Variants in CDKAL1 observed in about 807,000 individuals in gnomAD.
CDKAL1 encodes threonylcarbamoyladenosine tRNA methylthiotransferase.
In CDKAL1, 32 loss-of-function variants were observed where a neutral mutation model predicts 68.2. The ratio of observed to expected loss-of-function variants is 0.47; its 90% CI spans 0.35 to 0.63. CDKAL1 has a LOEUF of 0.63. Ranked by LOEUF, CDKAL1 falls within the 30% of genes least tolerant of loss-of-function variation. The pLI, the probability that CDKAL1 is intolerant of heterozygous loss-of-function variation, is 0.00. For missense variants in CDKAL1, 606 were observed against 696.7 expected (o/e 0.87, Z 1.47); for synonymous variants, 234 against 244.3 (o/e 0.96, Z 0.39).
At chr6:20,982,715 C>CA (rs1234376532) in intron 10 of CDKAL1, among the ~76,000 whole-genome samples, 3 of 150,540 alleles carry the variant, frequency 2.0e-5, no homozygotes, top group Admixed American at 6.6e-5. Flanking sequence ...CAAAACCTTG[C>CA]AAAAAAGGGT....
Position 20,857,588 on chromosome 6 carries a change from A to G in CDKAL1, c.742+11410A>G, listed in dbSNP as rs147564600. Reference sequence around the variant, plus strand: ...TATCTGGCCACATTCCCAATTCAGTAGCCTTGCCATAGGCCCAGGAATTTG... The same window carrying G: ...TATCTGGCCACATTCCCAATTCAGTGGCCTTGCCATAGGCCCAGGAATTTG... On this transcript the variant is annotated intron_variant, in intron 9 of 15. Transcript: ENST00000274695. 2.0e-5 allele frequency among the ~76,000 whole-genome samples: 3 copies of G among 152,368 alleles called. No individual in the cohort carries two copies. The East Asian group carries it at 5.8e-4, about 29-fold the overall frequency.
intron 15 of CDKAL1, among the ~76,000 whole-genome samples, chr6:21,215,508 T>A (rs968213104): frequency 1.3e-5 from 2 of 152,182 alleles, no homozygotes; most frequent in Admixed American, 6.5e-5. Flanking sequence ...CCTCCTCCTT[T>A]TCTACGTCCC....
intron 15 of CDKAL1, among the ~76,000 whole-genome samples, chr6:21,229,739 G>A (rs1779884899): frequency 1.3e-5 from 2 of 152,046 alleles, no homozygotes; most frequent in Admixed American, 1.3e-4. Flanking sequence ...TGTTATTCAG[G>A]TTTCAACAGG....
At chr6:20,599,975 G>A (rs563788682) in intron 4 of CDKAL1, among the ~76,000 whole-genome samples, 3 of 152,258 alleles carry the variant, frequency 2.0e-5, no homozygotes. Flanking sequence ...TAGAAATGGT[G>A]GATGACATGT....
intron 11 of CDKAL1, among the ~76,000 whole-genome samples, chr6:21,033,258 A>T (rs1236879919): frequency 6.6e-6 from 1 of 152,188 alleles, no homozygotes; most frequent in East Asian, 1.9e-4. Flanking sequence ...GATGAGAACA[A>T]TGTAATAGTG....
At chr6:20,557,655 G>A (rs757470679) in intron 4 of CDKAL1, among the ~76,000 whole-genome samples, 4 of 152,090 alleles carry the variant, frequency 2.6e-5, no homozygotes, top group African/African-American at 4.8e-5. Context: ...GGCTGGGCAC[G>A]GTGGCTCATG....
At chr6:20,746,301 T>C (rs1381553213) in intron 6 of CDKAL1, among the ~76,000 whole-genome samples, 1 of 152,216 alleles carries the variant, frequency 6.6e-6, no homozygotes, top group Admixed American at 6.5e-5. Flanking sequence ...TAACTTCTGT[T>C]GAAAGGGCTA....
intron 13 of CDKAL1, among the ~76,000 whole-genome samples, chr6:21,117,519 T>G (rs531180659): frequency 1.8e-4 from 28 of 151,354 alleles, no homozygotes; most frequent in Non-Finnish European, 3.4e-4. Flanking sequence ...GGTGGGCGCC[T>G]GTAGCTACTT....
intron 12 of CDKAL1, among the ~76,000 whole-genome samples, chr6:21,075,355 G>A (rs1772015272): frequency 6.6e-6 from 1 of 151,892 alleles, no homozygotes; most frequent in African/African-American, 2.4e-5. Context: ...TTATGGCAGA[G>A]CTCTAATAAA....
chr6:20,932,459 A>G (rs992325454), intron 9 of CDKAL1, among the ~76,000 whole-genome samples: 1 of 152,052 alleles, frequency 6.6e-6, no homozygotes, highest in Non-Finnish European at 1.5e-5. Context: ...CATTTTTCCT[A>G]TCGATTTTAT....
At chr6:20,657,126 C>A (rs144964798) in intron 5 of CDKAL1, among the ~76,000 whole-genome samples, 1 of 152,258 alleles carries the variant, frequency 6.6e-6, no homozygotes, top group Non-Finnish European at 1.5e-5. Flanking sequence ...CAGTTGTCAC[C>A]ATTGCCTAAC....
chr6:20,695,095 A>G (rs893495408), intron 5 of CDKAL1, among the ~76,000 whole-genome samples: 2 of 152,138 alleles, frequency 1.3e-5, no homozygotes, highest in Admixed American at 6.5e-5. Flanking sequence ...TGACTGAGAC[A>G]GTCCCTATTT....
At chr6:21,065,291 G>A in intron 12 of CDKAL1, 63 bp downstream of exon 12, 1 of 1,245,100 alleles carries the variant, frequency 8.0e-7, no homozygotes, top group Non-Finnish European at 1.1e-6. Flanking sequence ...CAGCTGTGTT[G>A]CCTACCTTCA....
intron 7 of CDKAL1, among the ~76,000 whole-genome samples, chr6:20,776,710 A>G (rs955743109): frequency 6.6e-6 from 1 of 152,236 alleles, no homozygotes; most frequent in Non-Finnish European, 1.5e-5. Flanking sequence ...CTGCACAAGC[A>G]GTCAAAAGCA....
intron 13 of CDKAL1, among the ~76,000 whole-genome samples, chr6:21,179,314 G>A (rs1319641410): frequency 3.3e-5 from 5 of 152,160 alleles, no homozygotes; most frequent in Admixed American, 3.3e-4. Flanking sequence ...ATCATTACAG[G>A]GTTTACTTGT....
At chr6:20,966,993 T>C (rs1359341930) in intron 10 of CDKAL1, among the ~76,000 whole-genome samples, 1 of 152,180 alleles carries the variant, frequency 6.6e-6, no homozygotes, top group African/African-American at 2.4e-5. Context: ...TTGGGAACTC[T>C]GAGAGAGAAT....
chr6:20,775,999 TA>T (rs59841924), intron 7 of CDKAL1, among the ~76,000 whole-genome samples: 1,559 of 146,354 alleles, frequency 0.011, 23 homozygotes, highest in African/African-American at 0.035. Context: ...AGTTTTCAAT[TA>T]AAAAAAAAAA....
intron 5 of CDKAL1, among the ~76,000 whole-genome samples, chr6:20,657,891 GTTA>G (rs1361001070): frequency 6.6e-6 from 1 of 152,148 alleles, no homozygotes; most frequent in Non-Finnish European, 1.5e-5. Flanking sequence ...AGCCCCCTGT[GTTA>G]TGATGGCAGC....
At chr6:21,019,125 T>C (rs1183225516) in intron 11 of CDKAL1, among the ~76,000 whole-genome samples, 1 of 152,052 alleles carries the variant, frequency 6.6e-6, no homozygotes, top group Non-Finnish European at 1.5e-5. Flanking sequence ...ATTTTTATAT[T>C]TTTAGTAGAG....
Sources: allele counts gnomAD v4.1 joint callset (sites outside exome capture counted in the v4.1 genomes callset), GRCh38; gene constraint gnomAD v4.1.1; transcripts MANE v1.5; gene names NCBI Gene and HGNC (gene_info 2026-07-23, HGNC 2026-07-21).